Variants in AP3D1 observed in about 807,000 individuals in gnomAD.
AP3D1 encodes AP-3 complex subunit delta-1.
In AP3D1, 51 loss-of-function variants were observed where a neutral mutation model predicts 147.6. The observed-to-expected ratio is 0.35, with a 90% CI of 0.28 to 0.44. AP3D1 has a LOEUF of 0.44. Among genes scored for constraint, AP3D1 ranks in the 20% least tolerant of loss-of-function variants. The pLI is 1.00. For missense variants in AP3D1, 1,421 were observed against 1,624.2 expected (o/e 0.87, Z 2.15); for synonymous variants, 760 against 663.0 (o/e 1.15, Z -2.25).
chr19:2,147,612 A>G (rs2019394364), intron 1 of AP3D1, among the ~76,000 whole-genome samples: 1 of 151,552 alleles, frequency 6.6e-6, no homozygotes. Context: ...AAAAGAATAT[A>G]TGGGCTGGGC....
chr19:2,115,468 C>A (rs369801221), intron 19 of AP3D1, 50 bp from the exon 20 acceptor site: 7 of 1,607,756 alleles, frequency 4.4e-6, no homozygotes, highest in South Asian at 3.3e-5. Flanking sequence ...CAGGGGCTCA[C>A]GGGGAGGGCG....
rs11285731 is a variant in AP3D1, at chr19:2,147,416, C to CTT, written c.96+3821_96+3822dup. 1.2e-4 allele frequency among the ~76,000 whole-genome samples: 15 copies of CTT among 122,702 alleles called. No homozygotes were observed. In the East Asian group the frequency reaches 2.6e-3, roughly 21 times the overall value. 80.5% of individuals were successfully genotyped at this position (122,702 alleles called of 152,430 possible). On this transcript the variant is annotated intron_variant, in intron 1 of 31. Transcript: ENST00000643116. ...TTAATCTCTTTATATCTTTTCCTTT[C>CTT]TTTTTTTTTTTTTTTTAGTTGGAGT... is the stretch of plus-strand genomic sequence containing the variant.
chr19:2,151,440 G>T lies in AP3D1; in HGVS notation c.-106C>A. On this transcript the variant is annotated 5_prime_UTR_variant, in exon 1 of 32. Coordinates refer to ENST00000643116, the MANE Select transcript of AP3D1 (RefSeq NM_001261826.3). ...GCGGAGCGCCGCGCTGCCGGCCGCT[G>T]CGGCGGGGCAAGCTCCCAGGCCAGG... 2.9e-6 allele frequency: 2 copies of T among 680,012 alleles called. No individual in the cohort carries two copies. The highest frequency in any genetic ancestry group is 6.4e-5 in the South Asian group (1 of 15,694). The allele number at this position is 680,012 out of a possible 1,614,324, so 42.1% of individuals were successfully genotyped here. A position where few individuals can be genotyped will look rare whatever the true frequency, so the allele number is the denominator to read the frequency against.
At position 2,121,801 on chromosome 19, in the gene AP3D1, A is replaced by G. The variant is rs1224356118; in HGVS notation, c.1034T>C (p.Ile345Thr). 1 of 1,613,242 alleles carries G rather than the reference A, an allele frequency of 6.2e-7. No homozygotes were observed. Among genetic ancestry groups the G allele is most frequent in the Non-Finnish European group, 8.5e-7 (1 of 1,179,756 alleles). Residue 345 changes from isoleucine to threonine, a missense_variant, in exon 12 of 32, where the codon ATC becomes ACC. Around this residue, in one of 6 missense-constraint regions of AP3D1, gnomAD observed 310 missense variants for 388.1 expected, o/e 0.80. Coordinates refer to ENST00000643116, the MANE Select transcript of AP3D1 (RefSeq NM_001261826.3). ...GTCCTTGTCGTCCAGGCACTGCAGG[A>G]TGAGGTCCTTGTGGGACTGCACGGA... Reference protein sequence around the residue: ...PKSVQSHKDLILQCLDDKDES... With the variant: ...PKSVQSHKDLTLQCLDDKDES...
At chr19:2,130,620 AGAG>A (rs1010433160) in intron 5 of AP3D1, 83 bp from the exon 6 acceptor site, 12 of 1,578,734 alleles carry the variant, frequency 7.6e-6, no homozygotes, top group African/African-American at 1.3e-5. Context: ...TCCTCCACAG[AGAG>A]GAGATGCCCT....
At chr19:2,121,384 T>C in intron 12 of AP3D1, 73 bp from the exon 13 acceptor site, 8 of 1,541,218 alleles carry the variant, frequency 5.2e-6, no homozygotes, top group Non-Finnish European at 6.2e-6. Context: ...ACCCAACACC[T>C]GCTCCTGAGA....
Position 2,102,230 on chromosome 19 carries a change from G to C in AP3D1, c.3591C>G (p.Asp1197Glu). 1 of 1,614,074 alleles carries C rather than the reference G, an allele frequency of 6.2e-7. No homozygotes were observed. Among genetic ancestry groups the C allele is most frequent in the Non-Finnish European group, 8.5e-7 (1 of 1,179,968 alleles). The change falls in exon 32 of 32, where the codon GAC (aspartate) becomes GAG (glutamate). Residue 1197 changes from aspartate (D) to glutamate (E), a missense_variant. Transcript: ENST00000643116. ...CTAACAAGTTGCTCAGTAGCGTGGA[G>C]TCACTGCACTTCCCGTCGACTGAGA... The part of the protein sequence containing the change: ...NSVSVDGKCS[D>E]STLLSNLLEE...
intron 10 of AP3D1, 122 bp downstream of exon 10, chr19:2,123,708 A>G (rs2018672973): frequency 8.0e-7 from 1 of 1,251,484 alleles, no homozygotes; most frequent in Non-Finnish European, 1.1e-6. Flanking sequence ...GTGCCCTCCC[A>G]AGCCGCAAGA....
intron 11 of AP3D1, among the ~76,000 whole-genome samples, chr19:2,123,002 G>A (rs1029451728): frequency 5.9e-5 from 9 of 152,194 alleles, no homozygotes; most frequent in Non-Finnish European, 1.0e-4. Flanking sequence ...ACGCACCCCC[G>A]CAAAAACATG....
Position 2,111,672 on chromosome 19 carries a change from C to A in AP3D1, c.2937+7G>T, listed in dbSNP as rs760328728. The A allele has an allele frequency of 1.9e-6, 3 of 1,582,332 alleles. No individual in the cohort carries two copies. The highest frequency in any genetic ancestry group is 2.6e-6 in the Non-Finnish European group (3 of 1,167,728). On this transcript the variant is annotated splice_region_variant and intron_variant, in intron 25 of 31. Coordinates refer to ENST00000643116, the MANE Select transcript of AP3D1 (RefSeq NM_001261826.3). Reference sequence around the variant, plus strand: ...GCGTGGGGCGGGGGCGCTGAAGTACCCCTCACCGGGAGCTGCTCCTCCTCT... The same window carrying A: ...GCGTGGGGCGGGGGCGCTGAAGTACACCTCACCGGGAGCTGCTCCTCCTCT...
intron 1 of AP3D1, among the ~76,000 whole-genome samples, chr19:2,147,393 A>G (rs2019386502): frequency 6.8e-6 from 1 of 147,310 alleles, no homozygotes; most frequent in East Asian, 2.0e-4. Flanking sequence ...GTTCAAATTT[A>G]ATCTCTTTAT....
At chr19:2,114,013 C>A in intron 22 of AP3D1, 112 bp downstream of exon 22, 1 of 1,458,002 alleles carries the variant, frequency 6.9e-7, no homozygotes. Context: ...GGCTGGCACT[C>A]GCTGCCTGAC....
At position 2,130,009 on chromosome 19, in the gene AP3D1, G is replaced by T. The variant is rs964959026; in HGVS notation, c.592+399C>A. Among the ~76,000 whole-genome samples the T allele has an allele frequency of 2.0e-5, 3 of 152,206 alleles. No homozygotes were observed. The South Asian group carries it at 6.2e-4, about 31-fold the overall frequency. ...GAAACTCAGTGAAACTGAATCTGCA[G>T]CCGCGTCCCGCAGTCACCACACCAC... On this transcript the variant is annotated intron_variant, in intron 6 of 31. Coordinates refer to ENST00000643116, the MANE Select transcript of AP3D1 (RefSeq NM_001261826.3).
At chr19:2,159,396 T>G (rs2019676600) in intron 1 of AP3D1, among the ~76,000 whole-genome samples, 1 of 150,000 alleles carries the variant, frequency 6.7e-6, no homozygotes, top group Non-Finnish European at 1.5e-5. Flanking sequence ...TTTTTTTTGT[T>G]TTTTTTTTTT....
intron 10 of AP3D1, 63 bp downstream of exon 10, chr19:2,123,767 C>T: frequency 6.5e-7 from 1 of 1,537,856 alleles, no homozygotes; most frequent in East Asian, 2.4e-5. Context: ...AAGCTCCCGC[C>T]TGTGGAAAGG....
At position 2,116,737 on chromosome 19, in the gene AP3D1, C is replaced by T. The variant is rs374053726; in HGVS notation, c.1869G>A (p.Leu623=). 958 of 1,609,980 alleles carry T rather than the reference C, an allele frequency of 6.0e-4. 1 individual carries two copies. The highest frequency in any genetic ancestry group is 1.0e-3 in the Middle Eastern group (6 of 6,014). Reference sequence around the variant, plus strand: ...AGAGTGGCTCATTGATCCAGGCGTCCAGGTCCAGGCTGCACCGGACAGGAG... The same window carrying T: ...AGAGTGGCTCATTGATCCAGGCGTCTAGGTCCAGGCTGCACCGGACAGGAG... ...KKVPVPEGLD[L]DAWINEPLSD... Residue 623 remains leucine, a synonymous_variant, in exon 17 of 32, where the codon CTG becomes CTA. Coordinates refer to ENST00000643116, the MANE Select transcript of AP3D1 (RefSeq NM_001261826.3).
chr19:2,131,676 T>C (rs35976665), intron 5 of AP3D1, among the ~76,000 whole-genome samples: 1,863 of 38,554 alleles, frequency 0.048, 260 homozygotes, highest in East Asian at 0.071. Context: ...ACGCGGGGAC[T>C]GCGCCCATCG....
rs573181176 is a variant in AP3D1 at position 2,117,482 on chromosome 19, G to C, written c.1714-115C>G. 7 of 1,127,716 alleles carry C rather than the reference G, an allele frequency of 6.2e-6. No homozygotes were observed. The African/African-American group carries it at 9.6e-5, about 15-fold the overall frequency. The allele number at this position is 1,127,716 out of a possible 1,614,324, so 69.9% of individuals were successfully genotyped here. On this transcript the variant is annotated intron_variant, in intron 15 of 31. Transcript: ENST00000643116. Reference sequence around the variant, plus strand: ...AGTGACGTGTGGGCCCCCTGGTACAGCCACATAGCCACAGAGAGCCCAGCC... The same window carrying C: ...AGTGACGTGTGGGCCCCCTGGTACACCCACATAGCCACAGAGAGCCCAGCC...
intron 31 of AP3D1, among the ~76,000 whole-genome samples, chr19:2,105,302 T>C (rs1219795608): frequency 6.6e-6 from 1 of 152,168 alleles, no homozygotes; most frequent in East Asian, 1.9e-4. Flanking sequence ...TGCAGCACTG[T>C]GACATGTTCA....
Sources: gnomAD v4.1 joint callset for allele counts (sites outside exome capture counted in the v4.1 genomes callset) on GRCh38, gnomAD v4.1.1 for gene constraint, gnomAD v4.1.1 regional missense constraint, MANE v1.5 for transcripts, NCBI Gene and HGNC (gene_info 2026-07-23, HGNC 2026-07-21) for gene names.